Variants in FNTA observed in about 807,000 individuals in gnomAD.
The protein encoded by FNTA is farnesyltransferase, CAAX box, subunit alpha, also known as protein farnesyltransferase/geranylgeranyltransferase type-1 subunit alpha.
Under a neutral mutation model 55.2 loss-of-function variants are expected in FNTA, and 27 were observed. The ratio of observed to expected loss-of-function variants is 0.49; its 90% CI spans 0.36 to 0.67. The LOEUF (loss-of-function observed/expected upper bound fraction) is 0.67, where lower values mean the gene tolerates loss of function less well. FNTA is among the 30% of genes least tolerant of loss of function. FNTA has a pLI of 0.00. For synonymous variants in FNTA, 176 were observed against 170.7 expected (o/e 1.03, Z -0.24); for missense variants, 422 against 464.7 (o/e 0.91, Z 0.85).
intron 2 of FNTA, chr8:43,063,184 G>C (rs1422341405): frequency 2.3e-6 from 1 of 444,350 alleles, no homozygotes; most frequent in African/African-American, 2.0e-5. Context: ...AGGCTCAAGC[G>C]ATCCTCCTAC....
rs755750712 is a variant in FNTA at position 43,072,246 on chromosome 8, A to G, written c.572A>G (p.Asp191Gly). Residue 191 changes from aspartate to glycine, a missense_variant, in exon 5 of 9, where the codon GAT (aspartate) becomes GGT (glycine). Physicochemically the swap from Asp to Gly is moderately conservative, Grantham distance 94 (BLOSUM62 -1). Transcript: ENST00000302279. ...DPSQELEFIA[D>G]ILNQDAKNYH... is the part of the protein sequence containing the mutation. ...TCTCAGGAGCTTGAATTTATTGCTG[A>G]TATTCTTAATCAGGATGCAAAGAAT... is the stretch of plus-strand genomic sequence containing the variant. 2.5e-6 allele frequency: 4 copies of G among 1,591,686 alleles called. No individual in the cohort carries two copies. In the Admixed American group the frequency reaches 7.0e-5, roughly 28 times the overall value.
chr8:43,085,089 G>T (rs904979642), intron 8 of FNTA, 71 bp from the exon 9 acceptor site: 6 of 1,315,474 alleles, frequency 4.6e-6, no homozygotes, highest in Admixed American at 4.7e-5. Flanking sequence ...GAGTTAAATT[G>T]TATTGGCTCA....
intron 5 of FNTA, among the ~76,000 whole-genome samples, chr8:43,075,670 G>C (rs990381407): frequency 6.6e-6 from 1 of 152,062 alleles, no homozygotes; most frequent in Non-Finnish European, 1.5e-5. Context: ...ACAAAAATTA[G>C]CCGGTTATGT....
At chr8:43,065,216 C>T (rs1451975687) in intron 3 of FNTA, among the ~76,000 whole-genome samples, 1 of 151,832 alleles carries the variant, frequency 6.6e-6, no homozygotes, top group Non-Finnish European at 1.5e-5. Context: ...AATGAGCACT[C>T]AATTTATGTT....
chr8:43,070,144 CAAG>C (rs1810754451), intron 4 of FNTA: 2 of 147,494 alleles, frequency 1.4e-5, no homozygotes, highest in South Asian at 4.4e-4. Context: ...CCCAGCTACT[CAAG>C]GAGCGTGCCT....
Position 43,085,483 on chromosome 8 carries a change from GT to G in FNTA, c.*202del. On this transcript the variant is annotated 3_prime_UTR_variant, in exon 9 of 9. Coordinates refer to ENST00000302279, the MANE Select transcript of FNTA (RefSeq NM_002027.3). ...AGTAATGTGATTCTTCTAAAGCAAA[GT>G]CATTGGATGGGAGGAGGAAGAAAAA... 1 of 540,188 alleles carries G rather than the reference GT, an allele frequency of 1.9e-6. No individual in the cohort carries two copies. The allele number at this position is 540,188 out of a possible 1,614,324, so 33.5% of individuals were successfully genotyped here. A position where few individuals can be genotyped will look rare whatever the true frequency, so the allele number is the denominator to read the frequency against.
chr8:43,066,603 T>TGTGTGC (rs1344551336), intron 3 of FNTA, among the ~76,000 whole-genome samples: 1 of 151,756 alleles, frequency 6.6e-6, no homozygotes, highest in Non-Finnish European at 1.5e-5. Context: ...TGTGTGTGTG[T>TGTGTGC]GTGTGTGTGT....
chr8:43,073,068 C>G (rs931322554), intron 5 of FNTA, among the ~76,000 whole-genome samples: 28 of 152,114 alleles, frequency 1.8e-4, no homozygotes, highest in African/African-American at 6.8e-4. Flanking sequence ...TTATTTTAAA[C>G]AGTTCTAGTA....
At chr8:43,082,977 C>G (rs1399080825) in intron 6 of FNTA, 141 bp from the exon 7 acceptor site, 1 of 474,168 alleles carries the variant, frequency 2.1e-6, no homozygotes, top group African/African-American at 2.1e-5. Flanking sequence ...ACCTGGGAGG[C>G]GGAGGTTGCA....
intron 1 of FNTA, among the ~76,000 whole-genome samples, chr8:43,057,770 C>T (rs1190443470): frequency 6.6e-6 from 1 of 152,044 alleles, no homozygotes; most frequent in East Asian, 1.9e-4. Flanking sequence ...CTAACCTGGC[C>T]AACATGGTGA....
At chr8:43,066,396 A>G (rs974095696) in intron 3 of FNTA, among the ~76,000 whole-genome samples, 1 of 150,574 alleles carries the variant, frequency 6.6e-6, no homozygotes, top group Non-Finnish European at 1.5e-5. Flanking sequence ...AGCTGGGACT[A>G]CGGACGCCTG....
In FNTA at chr8:43,069,443, T is replaced by G. The variant is rs993411743; in HGVS notation, c.402-112T>G. The G allele has an allele frequency of 4.4e-6, 3 of 687,824 alleles. No homozygotes were observed. In the African/African-American group the frequency reaches 5.3e-5, roughly 12 times the overall value. 42.6% of individuals were successfully genotyped at this position (687,824 alleles called of 1,614,324 possible). A position where few individuals can be genotyped will look rare whatever the true frequency, so the allele number is the denominator to read the frequency against. ...CCTATAATTGTTAAATTATACAGAT[T>G]ACCTGCCAAAAATTTGTCTAACTGT... On this transcript the variant is annotated intron_variant, in intron 3 of 8. Coordinates refer to ENST00000302279, the MANE Select transcript of FNTA (RefSeq NM_002027.3).
intron 1 of FNTA, among the ~76,000 whole-genome samples, chr8:43,058,148 T>C (rs944237761): frequency 1.3e-5 from 2 of 152,114 alleles, no homozygotes; most frequent in Non-Finnish European, 2.9e-5. Context: ...TAAGTGCTTA[T>C]CTCATTTAAT....
chr8:43,064,035 CATT>C, intron 2 of FNTA, 63 bp from the exon 3 acceptor site: 2 of 934,362 alleles, frequency 2.1e-6, no homozygotes, highest in East Asian at 2.4e-5. Flanking sequence ...GGTATAGTGA[CATT>C]ATACATTATA....
At chr8:43,082,361 A>G (rs1811042479) in intron 6 of FNTA, 5 of 152,210 alleles carry the variant, frequency 3.3e-5, no homozygotes, top group Admixed American at 3.3e-4. Flanking sequence ...TTCTTTGCCT[A>G]TGTAATTTCC....
rs1323331685 is a variant in FNTA, at chr8:43,060,645, A to T, written c.286+1468A>T. On this transcript the variant is annotated intron_variant, in intron 2 of 8. Transcript: ENST00000302279. The stretch of plus-strand genomic sequence containing the variant: ...AGCCACGATCACGCCATTGCACTGT[A>T]GTCTGGACGACAAGAGCAAAACTCT... Among the ~76,000 whole-genome samples, 3 of 150,804 alleles carry T rather than the reference A, an allele frequency of 2.0e-5. No individual in the cohort carries two copies. The East Asian group carries it at 5.9e-4, about 30-fold the overall frequency.
intron 2 of FNTA, among the ~76,000 whole-genome samples, chr8:43,061,696 CT>C (rs1313602905): frequency 6.6e-6 from 1 of 151,966 alleles, no homozygotes; most frequent in Non-Finnish European, 1.5e-5. Flanking sequence ...GTTTGAGAAT[CT>C]TCGAGCATGA....
At chr8:43,072,803 T>C (rs887852856) in intron 5 of FNTA, among the ~76,000 whole-genome samples, 2 of 152,170 alleles carry the variant, frequency 1.3e-5, no homozygotes, top group Non-Finnish European at 2.9e-5. Context: ...ATAATCTCTT[T>C]GGATGTAGTA....
chr8:43,074,324 G>A (rs1810859461), intron 5 of FNTA, among the ~76,000 whole-genome samples: 1 of 152,140 alleles, frequency 6.6e-6, no homozygotes, highest in Non-Finnish European at 1.5e-5. Context: ...AGGAGTTCAC[G>A]ACTAGCCTGG....
Sources: allele counts gnomAD v4.1 joint callset (sites outside exome capture counted in the v4.1 genomes callset), GRCh38; gene constraint gnomAD v4.1.1; transcripts MANE v1.5; gene names NCBI Gene and HGNC (gene_info 2026-07-23, HGNC 2026-07-21).